The following JAKMIP1 variants were observed in gnomAD, a reference collection of about 807,000 sequenced individuals.
JAKMIP1 encodes the protein janus kinase and microtubule interacting protein 1, also known as janus kinase and microtubule-interacting protein 1.
Under a neutral mutation model 113.0 loss-of-function variants are expected in JAKMIP1, and 33 were observed. The observed-to-expected ratio is 0.29, with a 90% CI of 0.22 to 0.39. The LOEUF is 0.39. Among genes scored for constraint, JAKMIP1 ranks in the 10% least tolerant of loss-of-function variants. JAKMIP1 has a pLI of 1.00. For synonymous variants in JAKMIP1, 480 were observed against 459.9 expected (o/e 1.04, Z -0.56); for missense variants, 813 against 1,080.5 (o/e 0.75, Z 3.47).
chr4:6,105,512 G>A lies in JAKMIP1; in HGVS notation c.585C>T (p.His195=), dbSNP rs374219931. 1.3e-5 allele frequency: 21 copies of A among 1,609,812 alleles called. No individual in the cohort carries two copies. Among genetic ancestry groups the A allele is most frequent in the Admixed American group, 5.0e-5 (3 of 59,764 alleles). The part of the protein sequence containing the change: ...AAYQAHQDEV[H]RIKRECERDI... ...CGCGCTCGCACTCGCGCTTGATGCG[G>A]TGCACCTCGTCTTGGTGCGCCTGGT... is the stretch of plus-strand genomic sequence containing the variant. Residue 195 remains histidine, a synonymous_variant, in exon 3 of 21, where the codon CAC becomes CAT. Coordinates refer to ENST00000409021, the MANE Select transcript of JAKMIP1 (RefSeq NM_001099433.2).
Position 6,150,909 on chromosome 4 carries a change from C to T in JAKMIP1, c.-147-37912G>A, listed in dbSNP as rs980645295. Among the ~76,000 whole-genome samples the T allele has an allele frequency of 6.6e-6, 1 of 152,138 alleles. No homozygotes were observed. Among genetic ancestry groups the T allele is most frequent in the African/African-American group, 2.4e-5 (1 of 41,410 alleles). Reference sequence around the variant, plus strand: ...TGAAGCAGTCAGCGTTGAGTGTGCCCAGGTGACACACATTTACAACCCCAC... The same window carrying T: ...TGAAGCAGTCAGCGTTGAGTGTGCCTAGGTGACACACATTTACAACCCCAC... On this transcript the variant is annotated intron_variant, in intron 1 of 20. Transcript: ENST00000409021. The surrounding 1 kb of genome is among the most constrained non-coding windows in gnomAD (Gnocchi z 4.8).
rs759430569 is a variant in JAKMIP1, at chr4:6,105,518, C to T, written c.579G>A (p.Glu193=). 6.8e-6 allele frequency: 11 copies of T among 1,609,668 alleles called. No homozygotes were observed. The highest frequency in any genetic ancestry group is 1.7e-4 in the Middle Eastern group (1 of 5,880). The part of the protein sequence containing the change: ...LRAAYQAHQD[E]VHRIKRECER... ...CGCACTCGCGCTTGATGCGGTGCAC[C>T]TCGTCTTGGTGCGCCTGGTAGGCGG... Residue 193 remains glutamate (E), a synonymous_variant, in exon 3 of 21, where the codon GAG becomes GAA. Transcript: ENST00000409021.
At chr4:6,196,625 G>A (rs950580597) in intron 1 of JAKMIP1, among the ~76,000 whole-genome samples, 2 of 152,068 alleles carry the variant, frequency 1.3e-5, no homozygotes, top group African/African-American at 4.8e-5. Flanking sequence ...AGGCCGAGGC[G>A]GGCAAATCAC....
In JAKMIP1 at chr4:6,154,188, G is replaced by A. The variant is rs780269168; in HGVS notation, c.-147-41191C>T. Among the ~76,000 whole-genome samples, 58 of 152,222 alleles carry A rather than the reference G, an allele frequency of 3.8e-4. No homozygotes were observed. Among genetic ancestry groups the A allele is most frequent in the Non-Finnish European group, 4.4e-4 (30 of 68,038 alleles). On this transcript the variant is annotated intron_variant, in intron 1 of 20. Coordinates refer to ENST00000409021, the MANE Select transcript of JAKMIP1 (RefSeq NM_001099433.2). The surrounding 1 kb of genome is among the most constrained non-coding windows in gnomAD (Gnocchi z 4.2). ...ACCCTCGCAGGAGGGAAGACAGAGC[G>A]GAGCTGGACACAGGCGGAGGCTGAA...
intron 20 of JAKMIP1, 63 bp from the exon 21 acceptor site, chr4:6,026,341 A>G: frequency 1.2e-6 from 1 of 842,878 alleles, no homozygotes; most frequent in Non-Finnish European, 1.9e-6. Flanking sequence ...AACAGATGTA[A>G]GATATGTAGT....
intron 3 of JAKMIP1, among the ~76,000 whole-genome samples, chr4:6,092,657 C>T (rs772631623): frequency 6.6e-6 from 1 of 152,192 alleles, no homozygotes; most frequent in African/African-American, 2.4e-5. Flanking sequence ...AAGCATGGCC[C>T]CTTCTAAGAG....
At chr4:6,169,503 C>T (rs78031527) in intron 1 of JAKMIP1, among the ~76,000 whole-genome samples, 23,351 of 152,042 alleles carry the variant, frequency 0.15, 2,205 homozygotes, top group South Asian at 0.25. Flanking sequence ...TGGCCCTGCC[C>T]ACACCTTCAT....
In JAKMIP1 at chr4:6,084,937, C is replaced by T. The variant is rs1167217824; in HGVS notation, c.863G>A (p.Arg288Lys). 6.5e-7 allele frequency: 1 copy of T among 1,539,592 alleles called. No individual in the cohort carries two copies. ...QDQHMDERDV[R>K]RFQLKIAELN... Reference sequence around the variant, plus strand: ...TTCAGCAATTTTTAGTTGAAATCGCCTCACATCTCGCTCGTCCATATGTTG... The same window carrying T: ...TTCAGCAATTTTTAGTTGAAATCGCTTCACATCTCGCTCGTCCATATGTTG... Residue 288 changes from arginine (R) to lysine (K), a missense_variant, in exon 5 of 21, where the codon AGG becomes AAG. Arg to Lys is a conservative substitution (Grantham distance 26, BLOSUM62 2). Around this residue, in one of 2 missense-constraint regions of JAKMIP1, gnomAD observed 540 missense variants for 653.9 expected, o/e 0.83. Coordinates refer to ENST00000409021, the MANE Select transcript of JAKMIP1 (RefSeq NM_001099433.2).
Position 6,036,016 on chromosome 4 carries a change from T to C in JAKMIP1, c.2267A>G (p.Glu756Gly), listed in dbSNP as rs1390781783. ...CTTTTCCACAGCAGCCTGCAGGTCCTCCCGCTGGCCCTCGCTCAGCGCCTC... is the reference window on the plus strand; with the variant it reads ...CTTTTCCACAGCAGCCTGCAGGTCCCCCCGCTGGCCCTCGCTCAGCGCCTC... ...AGEALSEGQR[E>G]DLQAAVEKVR... Residue 756 changes from glutamate to glycine, a missense_variant, in exon 19 of 21, where the codon GAG becomes GGG. Coordinates refer to ENST00000409021, the MANE Select transcript of JAKMIP1 (RefSeq NM_001099433.2). 2 of 1,552,440 alleles carry C rather than the reference T, an allele frequency of 1.3e-6. No homozygotes were observed. Among genetic ancestry groups the C allele is most frequent in the Admixed American group, 3.9e-5 (2 of 51,094 alleles).
At position 6,184,098 on chromosome 4, in the gene JAKMIP1, C is replaced by T. The variant is rs1171551544; in HGVS notation, c.-148+16155G>A. 6.6e-6 allele frequency among the ~76,000 whole-genome samples: 1 copy of T among 152,194 alleles called. No homozygotes were observed. On this transcript the variant is annotated intron_variant, in intron 1 of 20. Transcript: ENST00000409021. This position sits in a 1 kb window ranked among gnomAD's most constrained non-coding sequence, Gnocchi z 4.5. ...TAAGATAAATGTGAGAATAAACCAT[C>T]ACTTCTCTGTTTTGTATATTGGAGC...
rs971216445 is a variant in JAKMIP1 at position 6,065,742 on chromosome 4, C to T, written c.1303-734G>A. Reference sequence around the variant, plus strand: ...GCTCTATGTGACGGCCTCTGAGTTGCCCTGCTGGCACTTCTCCCACTCCAA... The same window carrying T: ...GCTCTATGTGACGGCCTCTGAGTTGTCCTGCTGGCACTTCTCCCACTCCAA... On this transcript the variant is annotated intron_variant, in intron 8 of 20. Coordinates refer to ENST00000409021, the MANE Select transcript of JAKMIP1 (RefSeq NM_001099433.2). The surrounding 1 kb of genome is among the most constrained non-coding windows in gnomAD (Gnocchi z 5.1). Among the ~76,000 whole-genome samples, 7 of 152,238 alleles carry T rather than the reference C, an allele frequency of 4.6e-5. No individual in the cohort carries two copies. In the East Asian group the frequency reaches 5.8e-4, roughly 13 times the overall value.
Position 6,116,471 on chromosome 4 carries a change from A to C in JAKMIP1, c.-147-3474T>G, listed in dbSNP as rs953991626. On this transcript the variant is annotated intron_variant, in intron 1 of 20. Transcript: ENST00000409021. The surrounding 1 kb of genome is among the most constrained non-coding windows in gnomAD (Gnocchi z 5.1). ...AGGACACACAGGAGGCGGAGTCCTC[A>C]GAGAAGGCTCCTTCCTGAAGGCACG... 1.3e-5 allele frequency among the ~76,000 whole-genome samples: 2 copies of C among 152,160 alleles called. No individual in the cohort carries two copies. The highest frequency in any genetic ancestry group is 4.8e-5 in the African/African-American group (2 of 41,446).
At chr4:6,147,978 C>G (rs972888873) in intron 1 of JAKMIP1, among the ~76,000 whole-genome samples, 27 of 152,248 alleles carry the variant, frequency 1.8e-4, no homozygotes, top group African/African-American at 6.5e-4. Flanking sequence ...CCCTATCAGC[C>G]TTGAGCTCAC....
rs1379435632 is a variant in JAKMIP1, at chr4:6,086,799, C to A, written c.625-1170G>T. On this transcript the variant is annotated intron_variant, in intron 3 of 20. Coordinates refer to ENST00000409021, the MANE Select transcript of JAKMIP1 (RefSeq NM_001099433.2). This position sits in a 1 kb window ranked among gnomAD's most constrained non-coding sequence, Gnocchi z 4.1. ...CAGGGTGGGCCCTTATGACTGGTGT[C>A]CTTATGAGAGGAGAAGAGAGACACA... 6.6e-6 allele frequency among the ~76,000 whole-genome samples: 1 copy of A among 151,822 alleles called. No individual in the cohort carries two copies. The highest frequency in any genetic ancestry group is 6.6e-5 in the Admixed American group (1 of 15,256).
intron 18 of JAKMIP1, among the ~76,000 whole-genome samples, chr4:6,039,446 A>G (rs73071593): frequency 0.033 from 4,974 of 152,236 alleles, 98 homozygotes; most frequent in African/African-American, 0.053. Context: ...CCTAAGTTCC[A>G]TCTAAAATCA....
Position 6,105,906 on chromosome 4 carries a change from C to A in JAKMIP1, c.191G>T (p.Arg64Leu). ...AKLEREQEQR[R>L]HTAYISELKA... ...GAGCTCCGAAATGTAGGCCGTGTGC[C>A]GTCGCTGCTCCTGCTCGCGCTCCAG... The change falls in exon 3 of 21, where the codon CGG becomes CTG. Residue 64 changes from arginine to leucine, a missense_variant. Physicochemically the swap from Arg to Leu is moderately radical, Grantham distance 102 (BLOSUM62 -2). Coordinates refer to ENST00000409021, the MANE Select transcript of JAKMIP1 (RefSeq NM_001099433.2). The A allele has an allele frequency of 1.2e-6, 2 of 1,611,314 alleles. No individual in the cohort carries two copies. The highest frequency in any genetic ancestry group is 4.5e-5 in the East Asian group (2 of 44,850).
At chr4:6,163,265 C>A (rs1033962210) in intron 1 of JAKMIP1, among the ~76,000 whole-genome samples, 2 of 152,134 alleles carry the variant, frequency 1.3e-5, no homozygotes, top group African/African-American at 4.8e-5. Context: ...CTATCCGTGT[C>A]ATTTTTCCAA....
Position 6,093,805 on chromosome 4 carries a change from G to A in JAKMIP1, c.625-8176C>T, listed in dbSNP as rs572815371. On this transcript the variant is annotated intron_variant, in intron 3 of 20. Coordinates refer to ENST00000409021, the MANE Select transcript of JAKMIP1 (RefSeq NM_001099433.2). The surrounding 1 kb of genome is among the most constrained non-coding windows in gnomAD (Gnocchi z 4.6). ...CTCAAAGAAGGAGCCAGGTTTGCCCGTGGTAGGAGTCGGTGGGGAACAAGT... is the reference window on the plus strand; with the variant it reads ...CTCAAAGAAGGAGCCAGGTTTGCCCATGGTAGGAGTCGGTGGGGAACAAGT... 7.9e-5 allele frequency among the ~76,000 whole-genome samples: 12 copies of A among 152,274 alleles called. No homozygotes were observed. The highest frequency in any genetic ancestry group is 1.3e-4 in the Admixed American group (2 of 15,302).
chr4:6,181,719 T>C lies in JAKMIP1; in HGVS notation c.-148+18534A>G, dbSNP rs966645288. Among the ~76,000 whole-genome samples, 5 of 152,152 alleles carry C rather than the reference T, an allele frequency of 3.3e-5. No individual in the cohort carries two copies. The highest frequency in any genetic ancestry group is 1.2e-4 in the African/African-American group (5 of 41,434). Reference sequence around the variant, plus strand: ...ACGCAAGCTCCATTCATTCATTCATTCATTCAACAGCATCCTAGTGCCTGT... The same window carrying C: ...ACGCAAGCTCCATTCATTCATTCATCCATTCAACAGCATCCTAGTGCCTGT... On this transcript the variant is annotated intron_variant, in intron 1 of 20. Coordinates refer to ENST00000409021, the MANE Select transcript of JAKMIP1 (RefSeq NM_001099433.2). This position sits in a 1 kb window ranked among gnomAD's most constrained non-coding sequence, Gnocchi z 5.4.
Sources: allele counts gnomAD v4.1 joint callset (sites outside exome capture counted in the v4.1 genomes callset), GRCh38; gene constraint gnomAD v4.1.1; regional missense constraint gnomAD v4.1.1; non-coding constraint Gnocchi (gnomAD v3.1); transcripts MANE v1.5; gene names NCBI Gene and HGNC (gene_info 2026-07-23, HGNC 2026-07-21).